MAP3K13: variants seen among roughly 807,000 people sequenced by gnomAD.
MAP3K13 encodes the protein mitogen-activated protein kinase kinase kinase 13, also known as leucine zipper-bearing kinase.
MAP3K13 carries 52 observed loss-of-function variants against 104.0 expected under a neutral mutation model. That is an observed-to-expected ratio of 0.50 (90% CI 0.40 to 0.63). The LOEUF (loss-of-function observed/expected upper bound fraction) is 0.63. MAP3K13 is among the 20% of genes least tolerant of loss of function. The pLI is 0.00. For missense variants in MAP3K13, 914 were observed against 1,218.5 expected (o/e 0.75, Z 3.72); for synonymous variants, 394 against 442.2 (o/e 0.89, Z 1.37).
chr3:185,305,769 T>C (rs1721270671), intron 2 of MAP3K13, among the ~76,000 whole-genome samples: 1 of 152,220 alleles, frequency 6.6e-6, no homozygotes, highest in African/African-American at 2.4e-5. Context: ...TATTTATTTT[T>C]ATAATTTCAA....
At chr3:185,471,413 G>T (rs1717775603) in intron 10 of MAP3K13, among the ~76,000 whole-genome samples, 1 of 145,022 alleles carries the variant, frequency 6.9e-6, no homozygotes, top group Non-Finnish European at 1.5e-5. Flanking sequence ...CCAAAGTGCT[G>T]GGATTACAGG....
At chr3:185,341,592 G>C (rs1224141312) in intron 2 of MAP3K13, among the ~76,000 whole-genome samples, 1 of 152,196 alleles carries the variant, frequency 6.6e-6, no homozygotes, top group Non-Finnish European at 1.5e-5. Context: ...GTGATTTTAA[G>C]GCATGTCTAA....
At chr3:185,429,622 ATAAT>A (rs749110235) in intron 2 of MAP3K13, among the ~76,000 whole-genome samples, 2 of 152,288 alleles carry the variant, frequency 1.3e-5, no homozygotes, top group Non-Finnish European at 2.9e-5. Context: ...TTTCTCTAAA[ATAAT>A]TAATTAATGG....
Position 185,473,432 on chromosome 3 carries a change from A to G in MAP3K13, c.2101A>G (p.Thr701Ala). The G allele has an allele frequency of 6.2e-7, 1 of 1,614,118 alleles. No homozygotes were observed. The highest frequency in any genetic ancestry group is 1.1e-5 in the South Asian group (1 of 91,068). Reference protein sequence around the residue: ...LPGSSPDLISTAMAADCWRSS... With the variant: ...LPGSSPDLISAAMAADCWRSS... ...CGGCTCGAGCCCTGACCTCATCTCC[A>G]CAGCCATGGCTGCAGACTGCTGGAG... is the stretch of plus-strand genomic sequence containing the variant. The change falls in exon 11 of 14, where the codon ACA becomes GCA. Residue 701 changes from threonine to alanine, a missense_variant. Around this residue, in one of 3 missense-constraint regions of MAP3K13, gnomAD observed 583 missense variants for 737.4 expected, o/e 0.79. Transcript: ENST00000265026. The surrounding 1 kb of genome is among the most constrained non-coding windows in gnomAD (Gnocchi z 4.9).
At chr3:185,365,163 T>G (rs904586649) in intron 1 of MAP3K13, among the ~76,000 whole-genome samples, 2 of 152,200 alleles carry the variant, frequency 1.3e-5, no homozygotes, top group Non-Finnish European at 2.9e-5. Context: ...AGAGCAGATA[T>G]AGAATCCCCC....
rs1577573278 is a variant in MAP3K13 at position 185,450,556 on chromosome 3, G to A, written c.1169+498G>A. Among the ~76,000 whole-genome samples the A allele has an allele frequency of 6.6e-6, 1 of 151,970 alleles. No individual in the cohort carries two copies. Reference sequence around the variant, plus strand: ...CAGAGATGGGAGGATCACTTGAGGCGAGGAGTTCAAGAGCAGCTTGGGCAA... The same window carrying A: ...CAGAGATGGGAGGATCACTTGAGGCAAGGAGTTCAAGAGCAGCTTGGGCAA... On this transcript the variant is annotated intron_variant, in intron 6 of 13. Coordinates refer to ENST00000265026, the MANE Select transcript of MAP3K13 (RefSeq NM_004721.5). This position sits in a 1 kb window ranked among gnomAD's most constrained non-coding sequence, Gnocchi z 4.2.
At chr3:185,361,055 G>A (rs1006560874), upstream of MAP3K13, among the ~76,000 whole-genome samples, 5 of 150,842 alleles carry the variant, frequency 3.3e-5, no homozygotes, top group South Asian at 1.0e-3. Context: ...TCAAACTCCT[G>A]ACCTCAGATT....
intron 2 of MAP3K13, chr3:185,291,913 A>AG (rs1470901000): frequency 3.4e-6 from 4 of 1,179,812 alleles, no homozygotes; most frequent in Non-Finnish European, 4.2e-6. Context: ...CAAAAAAAAA[A>AG]AAAAAAAAAA....
At chr3:185,288,058 G>T (rs1720591596) in intron 2 of MAP3K13, among the ~76,000 whole-genome samples, 2 of 152,158 alleles carry the variant, frequency 1.3e-5, no homozygotes, top group Admixed American at 1.3e-4. Flanking sequence ...TCTGTTAAAT[G>T]ATGCTTTGTT....
At chr3:185,440,867 G>A (rs1188187496) in intron 3 of MAP3K13, among the ~76,000 whole-genome samples, 3 of 152,188 alleles carry the variant, frequency 2.0e-5, no homozygotes, top group African/African-American at 7.2e-5. Flanking sequence ...AGGAAGGCAT[G>A]TATACCCATA....
At chr3:185,425,627 T>A (rs1465934260) in intron 1 of MAP3K13, among the ~76,000 whole-genome samples, 1 of 152,210 alleles carries the variant, frequency 6.6e-6, no homozygotes, top group Non-Finnish European at 1.5e-5. Flanking sequence ...TAAAATTCCT[T>A]AATGGCTCTC....
rs181221730 is a variant in MAP3K13, at chr3:185,324,269, C to T, written c.-86+38626C>T. On this transcript the variant is annotated intron_variant, in intron 2 of 14. Transcript: ENST00000424227. ...TCCTGACCTCGTGATCCGCCTGCCT[C>T]GGCCTCCCAAAGTGCTGGGATTACA... is the stretch of plus-strand genomic sequence containing the variant. 3.7e-3 allele frequency among the ~76,000 whole-genome samples: 561 copies of T among 152,258 alleles called. 5 individuals are homozygous for T. Among genetic ancestry groups the T allele is most frequent in the African/African-American group, 0.013 (539 of 41,550 alleles).
chr3:185,455,952 G>A (rs1267415926), intron 7 of MAP3K13, among the ~76,000 whole-genome samples: 1 of 140,974 alleles, frequency 7.1e-6, no homozygotes, highest in Admixed American at 7.4e-5. Context: ...TATATATGAT[G>A]TATATATATG....
At chr3:185,341,150 C>T (rs943992808) in intron 2 of MAP3K13, among the ~76,000 whole-genome samples, 3 of 152,040 alleles carry the variant, frequency 2.0e-5, no homozygotes, top group Non-Finnish European at 4.4e-5. Context: ...AAAATGTGAC[C>T]GTATTTGGAA....
At chr3:185,385,046 A>G (rs1259546160) in intron 1 of MAP3K13, among the ~76,000 whole-genome samples, 2 of 151,852 alleles carry the variant, frequency 1.3e-5, no homozygotes, top group Non-Finnish European at 2.9e-5. Flanking sequence ...TTTCCTTGAT[A>G]TTTTTTTCTA....
chr3:185,336,388 A>G (rs1256337591), intron 2 of MAP3K13, among the ~76,000 whole-genome samples: 1 of 151,758 alleles, frequency 6.6e-6, no homozygotes, highest in Non-Finnish European at 1.5e-5. Flanking sequence ...CTAAAAATAC[A>G]AAAATTAGCT....
In MAP3K13 at chr3:185,472,498, A is replaced by C. The variant is rs371096804; in HGVS notation, c.1644-477A>C. On this transcript the variant is annotated intron_variant, in intron 10 of 13. Coordinates refer to ENST00000265026, the MANE Select transcript of MAP3K13 (RefSeq NM_004721.5). ...AGTGCTGGGATTACAGGCATTAGCC[A>C]CCGCACCCGGCCCATCCCTTCTTAA... is the stretch of plus-strand genomic sequence containing the variant. Among the ~76,000 whole-genome samples the C allele has an allele frequency of 1.1e-3, 173 of 152,216 alleles. 3 individuals carry two copies. Among genetic ancestry groups the C allele is most frequent in the African/African-American group, 3.9e-3 (164 of 41,536 alleles).
intron 1 of MAP3K13, among the ~76,000 whole-genome samples, chr3:185,386,721 T>TA (rs1711719539): frequency 6.6e-6 from 1 of 152,090 alleles, no homozygotes; most frequent in Non-Finnish European, 1.5e-5. Flanking sequence ...TATGCAGCCA[T>TA]AAAAAGGAAT....
intron 7 of MAP3K13, among the ~76,000 whole-genome samples, chr3:185,452,018 C>T (rs143517094): frequency 6.6e-6 from 1 of 152,206 alleles, no homozygotes; most frequent in Non-Finnish European, 1.5e-5. Flanking sequence ...ATTAGGATTA[C>T]TGCTGACCTT....
Sources: gnomAD v4.1 joint callset for allele counts (sites outside exome capture counted in the v4.1 genomes callset) on GRCh38, gnomAD v4.1.1 for gene constraint, gnomAD v4.1.1 regional missense constraint, Gnocchi (gnomAD v3.1) non-coding constraint, MANE v1.5 for transcripts, NCBI Gene and HGNC (gene_info 2026-07-23, HGNC 2026-07-21) for gene names.